FKTN: variants seen among roughly 807,000 people sequenced by gnomAD.
FKTN encodes the protein fukutin.
FKTN carries 47 observed loss-of-function variants against 58.6 expected under a neutral mutation model. The observed-to-expected ratio is 0.80, with a 90% CI of 0.63 to 1.02. The LOEUF (loss-of-function observed/expected upper bound fraction) is 1.02, where lower values mean the gene tolerates loss of function less well. Among genes scored for constraint, FKTN ranks in the 50% least tolerant of loss-of-function variants. The probability of loss-of-function intolerance (pLI) is 0.00; values close to 1 mark genes in which losing one functional copy is unlikely to be tolerated. For missense variants in FKTN, 516 were observed against 537.3 expected (o/e 0.96, Z 0.39); for synonymous variants, 178 against 191.9 (o/e 0.93, Z 0.60).
intron 1 of FKTN, among the ~76,000 whole-genome samples, chr9:105,570,078 G>A (rs1180166765): frequency 6.6e-6 from 1 of 151,662 alleles, no homozygotes. Context: ...ATTTTTAAAC[G>A]TTTATTTTTT....
At chr9:105,583,491 A>G (rs933764874) in intron 3 of FKTN, among the ~76,000 whole-genome samples, 11 of 152,084 alleles carry the variant, frequency 7.2e-5, no homozygotes, top group Admixed American at 3.9e-4. Context: ...ATCTTTCCAT[A>G]TGTATATTGG....
At chr9:105,633,450 G>GT (rs1343017733) in intron 10 of FKTN, 1 of 152,140 alleles carries the variant, frequency 6.6e-6, no homozygotes, top group Non-Finnish European at 1.5e-5. Flanking sequence ...CAACTTCATT[G>GT]TGTCAACTTG....
intron 1 of FKTN, among the ~76,000 whole-genome samples, chr9:105,567,594 G>A (rs1033370282): frequency 2.0e-5 from 3 of 152,092 alleles, no homozygotes; most frequent in Non-Finnish European, 4.4e-5. Flanking sequence ...GGGATGTGAA[G>A]GACCTCTTTA....
chr9:105,624,027 G>A (rs1008616489), intron 10 of FKTN, among the ~76,000 whole-genome samples: 1 of 152,104 alleles, frequency 6.6e-6, no homozygotes, highest in Admixed American at 6.5e-5. Context: ...ACTTTAAGGG[G>A]TTGTTTCCTT....
At position 105,618,069 on chromosome 9, in the gene FKTN, C is replaced by T. The variant is rs886044385; in HGVS notation, c.1021C>T (p.Pro341Ser). 6 of 1,612,352 alleles carry T rather than the reference C, an allele frequency of 3.7e-6. No homozygotes were observed. The South Asian group carries it at 6.6e-5, about 18-fold the overall frequency. ...TTTAGCATTTCAGGATGCAGGACTTCCGCTCAAACACAAATTTGGGAAGGT... is the reference window on the plus strand; with the variant it reads ...TTTAGCATTTCAGGATGCAGGACTTTCGCTCAAACACAAATTTGGGAAGGT... ...IILAFQDAGLPLKHKFGKVED... is the reference protein window; with the variant it reads ...IILAFQDAGLSLKHKFGKVED... Residue 341 changes from proline (P) to serine (S), a missense_variant, in exon 9 of 11, where the codon CCG becomes TCG. Transcript: ENST00000357998.
rs866388963 is a variant in FKTN at position 105,579,129 on chromosome 9, T to C, written c.105+3992T>C. Among the ~76,000 whole-genome samples, 4 of 152,266 alleles carry C rather than the reference T, an allele frequency of 2.6e-5. No homozygotes were observed. In the East Asian group the frequency reaches 7.7e-4, roughly 29 times the overall value. On this transcript the variant is annotated intron_variant, in intron 3 of 10. Coordinates refer to ENST00000357998, the MANE Select transcript of FKTN (RefSeq NM_001079802.2). ...TTCAAAAAACCAGCTCCTGGATTCATTGATTTTTTGAATGGTTTTTTGTGT... is the reference window on the plus strand; with the variant it reads ...TTCAAAAAACCAGCTCCTGGATTCACTGATTTTTTGAATGGTTTTTTGTGT...
chr9:105,559,254 C>G (rs1837806045), intron 1 of FKTN, among the ~76,000 whole-genome samples: 1 of 152,190 alleles, frequency 6.6e-6, no homozygotes, highest in African/African-American at 2.4e-5. Context: ...CTTCTAGAGC[C>G]TATTCTCCAT....
Position 105,624,894 on chromosome 9 carries a change from T to C in FKTN, c.1172+4833T>C, listed in dbSNP as rs138818736. Among the ~76,000 whole-genome samples the C allele has an allele frequency of 5.2e-3, 799 of 152,334 alleles. 8 individuals are homozygous for C. Among genetic ancestry groups the C allele is most frequent in the African/African-American group, 0.019 (775 of 41,582 alleles). On this transcript the variant is annotated intron_variant, in intron 10 of 10. Transcript: ENST00000357998. ...TAGAAGACCTGAATTCAAATCTGAGTTCTATTTTTTTGTGTCATATAACCT... is the reference window on the plus strand; with the variant it reads ...TAGAAGACCTGAATTCAAATCTGAGCTCTATTTTTTTGTGTCATATAACCT...
chr9:105,609,882 C>G (rs1395073229), intron 7 of FKTN, among the ~76,000 whole-genome samples: 1 of 152,128 alleles, frequency 6.6e-6, no homozygotes, highest in Non-Finnish European at 1.5e-5. Context: ...TTCTGTTTTT[C>G]CCTTTATAAT....
intron 2 of FKTN, 132 bp from the exon 3 acceptor site, chr9:105,574,813 T>C (rs149188102): frequency 2.3e-5 from 11 of 479,894 alleles, no homozygotes; most frequent in African/African-American, 1.9e-5. Context: ...TGATTATTTC[T>C]TTAGCATAGA....
At chr9:105,593,490 G>C (rs1250985034) in intron 3 of FKTN, among the ~76,000 whole-genome samples, 2 of 152,160 alleles carry the variant, frequency 1.3e-5, no homozygotes, top group Non-Finnish European at 2.9e-5. Flanking sequence ...TAGACAATTG[G>C]CTATATAAGT....
chr9:105,573,495 G>C (rs571021386), intron 1 of FKTN, among the ~76,000 whole-genome samples, 160 bp from the exon 2 acceptor site: 15 of 152,084 alleles, frequency 9.9e-5, no homozygotes, highest in African/African-American at 3.6e-4. Context: ...GGGCATGGTG[G>C]CACATACTTT....
intron 10 of FKTN, among the ~76,000 whole-genome samples, chr9:105,621,449 A>G (rs915150504): frequency 1.3e-5 from 2 of 152,144 alleles, no homozygotes; most frequent in African/African-American, 2.4e-5. Flanking sequence ...TGTATTTTAA[A>G]TTTTTGAATA....
At chr9:105,574,382 AGAGAT>A in intron 2 of FKTN, 1 of 152,376 alleles carries the variant, frequency 6.6e-6, no homozygotes, top group South Asian at 2.1e-4. Flanking sequence ...AGGAATAATC[AGAGAT>A]GAGACCTAAG....
At chr9:105,604,877 G>T (rs1238728621) in intron 6 of FKTN, among the ~76,000 whole-genome samples, 1 of 151,382 alleles carries the variant, frequency 6.6e-6, no homozygotes. Context: ...AATTGCTTGA[G>T]CCCTGGAGGT....
intron 8 of FKTN, 119 bp from the exon 9 acceptor site, chr9:105,617,840 G>A (rs1171154560): frequency 2.9e-6 from 2 of 682,672 alleles, no homozygotes; most frequent in Non-Finnish European, 5.0e-6. Flanking sequence ...GGGCAATATA[G>A]TGAGACTCTG....
At chr9:105,595,946 T>C (rs1178264093) in intron 3 of FKTN, among the ~76,000 whole-genome samples, 1 of 152,228 alleles carries the variant, frequency 6.6e-6, no homozygotes, top group Non-Finnish European at 1.5e-5. Flanking sequence ...CTTTCTCCTC[T>C]TACTCTAAAG....
chr9:105,568,162 A>C (rs944457471), intron 1 of FKTN, among the ~76,000 whole-genome samples: 1 of 152,144 alleles, frequency 6.6e-6, no homozygotes, highest in African/African-American at 2.4e-5. Context: ...TAAAGACTTA[A>C]ATGTTAGACC....
At chr9:105,564,431 A>C (rs1838964166) in intron 1 of FKTN, among the ~76,000 whole-genome samples, 1 of 152,216 alleles carries the variant, frequency 6.6e-6, no homozygotes, top group Admixed American at 6.5e-5. Flanking sequence ...AACTAGAATA[A>C]CCAATGCAGA....
Sources: gnomAD v4.1 joint callset for allele counts (sites outside exome capture counted in the v4.1 genomes callset) on GRCh38, gnomAD v4.1.1 for gene constraint, MANE v1.5 for transcripts, NCBI Gene and HGNC (gene_info 2026-07-23, HGNC 2026-07-21) for gene names.